FAR2: variants seen among roughly 807,000 people sequenced by gnomAD.
FAR2 encodes fatty acyl-CoA reductase 2.
Under a neutral mutation model 56.0 loss-of-function variants are expected in FAR2, and 19 were observed. The observed-to-expected ratio is 0.34, with a 90% CI of 0.24 to 0.50. The LOEUF (loss-of-function observed/expected upper bound fraction) is 0.50, where lower values mean the gene tolerates loss of function less well. Among genes scored for constraint, FAR2 ranks in the 20% least tolerant of loss-of-function variants. The pLI is 0.98. For synonymous variants in FAR2, 219 were observed against 218.8 expected (o/e 1.00, Z -0.01); for missense variants, 508 against 642.2 (o/e 0.79, Z 2.26).
At chr12:29,194,346 G>A (rs958982915) in intron 1 of FAR2, among the ~76,000 whole-genome samples, 3 of 152,112 alleles carry the variant, frequency 2.0e-5, no homozygotes, top group South Asian at 2.1e-4. Context: ...ATGTGAACTC[G>A]TGAAAAATTG....
intron 1 of FAR2, among the ~76,000 whole-genome samples, chr12:29,179,654 T>C (rs1949974486): frequency 6.6e-6 from 1 of 152,162 alleles, no homozygotes; most frequent in Admixed American, 6.5e-5. Context: ...CCATTCTATC[T>C]TGTATGATCT....
At chr12:29,279,250 T>C (rs1008849889) in intron 2 of FAR2, among the ~76,000 whole-genome samples, 24 of 152,224 alleles carry the variant, frequency 1.6e-4, no homozygotes, top group African/African-American at 5.3e-4. Context: ...CCATACCAAG[T>C]TGATCCAGAC....
At chr12:29,326,760 A>G (rs1030641464) in intron 10 of FAR2, among the ~76,000 whole-genome samples, 22 of 152,168 alleles carry the variant, frequency 1.4e-4, no homozygotes, top group African/African-American at 5.3e-4. Context: ...TCTCAAAATA[A>G]TAAGAGCTAT....
intron 10 of FAR2, among the ~76,000 whole-genome samples, chr12:29,323,802 C>T (rs1449305573): frequency 6.6e-6 from 1 of 152,138 alleles, no homozygotes; most frequent in African/African-American, 2.4e-5. Context: ...GGGGAAAAAA[C>T]AGAGTAGAAA....
At chr12:29,151,922 G>C (rs1949684250) in intron 1 of FAR2, 1 of 152,212 alleles carries the variant, frequency 6.6e-6, no homozygotes, top group Admixed American at 6.5e-5. Flanking sequence ...TGCTGTTGTT[G>C]AAGGGTTAAA....
chr12:29,291,576 G>C (rs1243324272), intron 2 of FAR2: 1 of 414,266 alleles, frequency 2.4e-6, no homozygotes, highest in African/African-American at 2.1e-5. Flanking sequence ...GTGAAATACA[G>C]ATTCCTGGGT....
intron 1 of FAR2, among the ~76,000 whole-genome samples, chr12:29,204,196 T>C (rs1170901413): frequency 6.6e-6 from 1 of 151,936 alleles, no homozygotes; most frequent in East Asian, 1.9e-4. Flanking sequence ...AAAATGGAAA[T>C]AAATTTGTTC....
At chr12:29,274,086 C>T (rs1488032691) in intron 2 of FAR2, among the ~76,000 whole-genome samples, 1 of 151,686 alleles carries the variant, frequency 6.6e-6, no homozygotes, top group Non-Finnish European at 1.5e-5. Context: ...TTTTAGGGTA[C>T]GTGTGTGCAG....
chr12:29,322,831 G>A (rs1949574786), intron 10 of FAR2, among the ~76,000 whole-genome samples: 1 of 152,188 alleles, frequency 6.6e-6, no homozygotes, highest in African/African-American at 2.4e-5. Flanking sequence ...GGTGTCATCT[G>A]TCACCCCTTT....
intron 1 of FAR2, among the ~76,000 whole-genome samples, chr12:29,234,207 G>A (rs1947900064): frequency 6.6e-6 from 1 of 152,082 alleles, no homozygotes; most frequent in South Asian, 2.1e-4. Context: ...TCCAACCCAA[G>A]CTTGTTGGAA....
At position 29,200,017 on chromosome 12, in the gene FAR2, G is replaced by A. The variant is rs1007178417; in HGVS notation, c.-39+50610G>A. On this transcript the variant is annotated intron_variant, in intron 1 of 11. Transcript: ENST00000536681. ...GAAGTATGGGCTATGATAATATATC[G>A]ATTTAAGAGTCATCATAGTTGAAGC... is the stretch of plus-strand genomic sequence containing the variant. 4.6e-5 allele frequency among the ~76,000 whole-genome samples: 7 copies of A among 152,140 alleles called. 1 individual carries two copies. The highest frequency in any genetic ancestry group is 1.3e-4 in the Admixed American group (2 of 15,296).
intron 1 of FAR2, among the ~76,000 whole-genome samples, chr12:29,159,451 T>C (rs1427778474): frequency 6.7e-6 from 1 of 148,388 alleles, no homozygotes; most frequent in African/African-American, 2.5e-5. Flanking sequence ...GGCAGGAGAA[T>C]GGTGTGAATC....
At chr12:29,270,816 G>C (rs1565498197) in intron 2 of FAR2, among the ~76,000 whole-genome samples, 178 bp downstream of exon 2, 3 of 152,226 alleles carry the variant, frequency 2.0e-5, no homozygotes. Flanking sequence ...TTTCCCAAAG[G>C]AGGGAAAAGA....
chr12:29,264,258 T>G (rs2136697644), intron 1 of FAR2, among the ~76,000 whole-genome samples: 1 of 152,236 alleles, frequency 6.6e-6, no homozygotes, highest in East Asian at 1.9e-4. Flanking sequence ...AAAAAGCATT[T>G]GATAAAATTC....
chr12:29,169,668 T>G (rs1949866738), intron 1 of FAR2, among the ~76,000 whole-genome samples: 2 of 152,192 alleles, frequency 1.3e-5, no homozygotes, highest in South Asian at 4.1e-4. Flanking sequence ...TTCTCAGCAT[T>G]GAGGAGGTCT....
At chr12:29,298,057 G>T (rs1444720216) in intron 4 of FAR2, among the ~76,000 whole-genome samples, 1 of 127,502 alleles carries the variant, frequency 7.8e-6, no homozygotes, top group African/African-American at 3.0e-5. Context: ...AAAAAAAAAA[G>T]AACTAATGAA....
intron 1 of FAR2, among the ~76,000 whole-genome samples, chr12:29,180,759 A>ATCTG (rs1411518275): frequency 6.6e-6 from 1 of 151,444 alleles, no homozygotes; most frequent in Admixed American, 6.6e-5. Flanking sequence ...CTATCTATCT[A>ATCTG]TCTATCTATC....
intron 1 of FAR2, among the ~76,000 whole-genome samples, chr12:29,205,000 T>C (rs748748947): frequency 6.6e-6 from 1 of 152,212 alleles, no homozygotes; most frequent in Non-Finnish European, 1.5e-5. Context: ...TCAAGCTCTA[T>C]ACCTGCTCAG....
chr12:29,319,729 T>C (rs926514138), intron 9 of FAR2, among the ~76,000 whole-genome samples: 11 of 152,230 alleles, frequency 7.2e-5, no homozygotes, highest in Non-Finnish European at 1.3e-4. Flanking sequence ...ACTTCATCTC[T>C]CTAAATCCTA....
Sources: gnomAD v4.1 joint callset for allele counts (sites outside exome capture counted in the v4.1 genomes callset) on GRCh38, gnomAD v4.1.1 for gene constraint, MANE v1.5 for transcripts, NCBI Gene and HGNC (gene_info 2026-07-23, HGNC 2026-07-21) for gene names.